KMT5A: variants seen among roughly 807,000 people sequenced by gnomAD.
KMT5A encodes the protein lysine methyltransferase 5A.
KMT5A carries 6 observed loss-of-function variants against 40.6 expected under a neutral mutation model. That is an observed-to-expected ratio of 0.15 (90% CI 0.08 to 0.29). KMT5A has a LOEUF of 0.29. Among genes scored for constraint, KMT5A ranks in the 10% least tolerant of loss-of-function variants. The pLI is 1.00. For synonymous variants in KMT5A, 153 were observed against 178.8 expected (o/e 0.86, Z 1.15); for missense variants, 308 against 459.1 (o/e 0.67, Z 3.01).
intron 5 of KMT5A, among the ~76,000 whole-genome samples, chr12:123,398,397 G>A (rs28540654): frequency 0.077 from 11,763 of 152,250 alleles, 1,241 homozygotes; most frequent in African/African-American, 0.24. Flanking sequence ...CCTCTGCTGA[G>A]CGTCCACCAA....
At chr12:123,407,401 C>A in intron 7 of KMT5A, 92 bp from the exon 8 acceptor site, 2 of 1,193,866 alleles carry the variant, frequency 1.7e-6, no homozygotes, top group Admixed American at 2.1e-5. Context: ...TTTAAATCAG[C>A]ATCCCACCAG....
intron 7 of KMT5A, among the ~76,000 whole-genome samples, chr12:123,406,492 T>G (rs760174736): frequency 1.1e-4 from 17 of 152,134 alleles, no homozygotes; most frequent in Non-Finnish European, 8.8e-5. Flanking sequence ...TTTTGTATTT[T>G]TAGCACAGAC....
chr12:123,409,014 C>CG lies in KMT5A; in HGVS notation c.*1315dup, dbSNP rs1566086118. On this transcript the variant is annotated 3_prime_UTR_variant, in exon 8 of 8. Coordinates refer to ENST00000402868, the MANE Select transcript of KMT5A (RefSeq NM_020382.7). ...ACACTGTCCCTTCAGTCCAGGGGGC[C>CG]GGGGCTCAGGAGCCATGACCTGGTG... 4 of 152,622 alleles carry CG rather than the reference C, an allele frequency of 2.6e-5. No homozygotes were observed. Among genetic ancestry groups the CG allele is most frequent in the Non-Finnish European group, 5.9e-5 (4 of 68,034 alleles). The allele number at this position is 152,622 out of a possible 1,614,324, so 9.5% of individuals were successfully genotyped here.
chr12:123,394,918 C>T, intron 3 of KMT5A, 129 bp from the exon 4 acceptor site: 2 of 836,122 alleles, frequency 2.4e-6, no homozygotes, highest in Non-Finnish European at 3.8e-6. Context: ...GCTTAACAGG[C>T]CAAGGGCACT....
chr12:123,397,150 A>G (rs1295631268), intron 5 of KMT5A, among the ~76,000 whole-genome samples: 30 of 152,284 alleles, frequency 2.0e-4, no homozygotes, highest in Admixed American at 2.0e-3. Context: ...CTGGAAGGCC[A>G]GCTGGCCTAT....
At chr12:123,395,570 T>G (rs1186526807) in intron 4 of KMT5A, among the ~76,000 whole-genome samples, 5 of 151,312 alleles carry the variant, frequency 3.3e-5, no homozygotes, top group Non-Finnish European at 7.4e-5. Flanking sequence ...TTTTGTGTTT[T>G]TTTTTTTTTT....
At chr12:123,398,616 G>A (rs1438886162) in intron 5 of KMT5A, among the ~76,000 whole-genome samples, 2 of 152,250 alleles carry the variant, frequency 1.3e-5, no homozygotes. Flanking sequence ...TGGACCGGGA[G>A]CCGTGCTTTG....
chr12:123,407,631 G>T lies in KMT5A; in HGVS notation c.987G>T (p.Gly329=). ...TCGCCTCCCGAGACATCGCGGCTGG[G>T]GAGGAGCTCCTGTATGACTATGGGG... ...ILIASRDIAA[G]EELLYDYGDR... Residue 329 remains glycine, a synonymous_variant, in exon 8 of 8, where the codon GGG becomes GGT. Coordinates refer to ENST00000402868, the MANE Select transcript of KMT5A (RefSeq NM_020382.7). 1 of 1,613,782 alleles carries T rather than the reference G, an allele frequency of 6.2e-7. No individual in the cohort carries two copies. Among genetic ancestry groups the T allele is most frequent in the South Asian group, 1.1e-5 (1 of 91,030 alleles).
chr12:123,398,051 G>A (rs1877870757), intron 5 of KMT5A, among the ~76,000 whole-genome samples: 1 of 151,582 alleles, frequency 6.6e-6, no homozygotes, highest in Non-Finnish European at 1.5e-5. Context: ...GGGAGGCCCA[G>A]GTGAGCGGAT....
chr12:123,401,122 T>C (rs559934637), intron 5 of KMT5A, among the ~76,000 whole-genome samples: 2 of 150,542 alleles, frequency 1.3e-5, no homozygotes, highest in African/African-American at 4.9e-5. Flanking sequence ...TTTTTAAATC[T>C]ATTCCACCAA....
chr12:123,396,347 C>T lies in KMT5A; in HGVS notation c.512C>T (p.Ala171Val), dbSNP rs770754462. 3.7e-6 allele frequency: 6 copies of T among 1,612,826 alleles called. No homozygotes were observed. The highest frequency in any genetic ancestry group is 2.5e-6 in the Non-Finnish European group (3 of 1,179,910). Reference sequence around the variant, plus strand: ...TCTCCTCTTCCCCTCTTACCCAGAGCTCAAGGAAAAACGCAACAGAATCGC... The same window carrying T: ...TCTCCTCTTCCCCTCTTACCCAGAGTTCAAGGAAAAACGCAACAGAATCGC... Reference protein sequence around the residue: ...IKGKQAPRKKAQGKTQQNRKL... With the variant: ...IKGKQAPRKKVQGKTQQNRKL... The change falls in exon 5 of 8, where the codon GCT becomes GTT. Residue 171 changes from alanine to valine, a missense_variant and splice_region_variant. Around this residue, in one of 4 missense-constraint regions of KMT5A, gnomAD observed 127 missense variants for 129.8 expected, o/e 0.98. Transcript: ENST00000402868.
chr12:123,393,634 G>T (rs1428055462), intron 3 of KMT5A, among the ~76,000 whole-genome samples: 1 of 152,048 alleles, frequency 6.6e-6, no homozygotes, highest in African/African-American at 2.4e-5. Context: ...CTGCCTCCCA[G>T]GTTCAAGCTA....
At chr12:123,395,802 A>G (rs1442513605) in intron 4 of KMT5A, among the ~76,000 whole-genome samples, 1 of 151,766 alleles carries the variant, frequency 6.6e-6, no homozygotes, top group African/African-American at 2.4e-5. Flanking sequence ...TGACCTCGTG[A>G]TCTGCCTGCC....
rs369944240 is a variant in KMT5A at position 123,399,438 on chromosome 12, C to T, written c.597+3006C>T. On this transcript the variant is annotated intron_variant, in intron 5 of 7. Coordinates refer to ENST00000402868, the MANE Select transcript of KMT5A (RefSeq NM_020382.7). ...CATCTGGCCTGGTCCCAGCTTCCCT[C>T]TGCGCATCTCCTACCTGCCGTGTTT... Among the ~76,000 whole-genome samples, 11 of 152,258 alleles carry T rather than the reference C, an allele frequency of 7.2e-5. 1 individual carries two copies. In the East Asian group the frequency reaches 1.3e-3, roughly 19 times the overall value.
At position 123,396,441 on chromosome 12, in the gene KMT5A, G is replaced by C; in HGVS notation, c.597+9G>C. On this transcript the variant is annotated intron_variant, in intron 5 of 7. Coordinates refer to ENST00000402868, the MANE Select transcript of KMT5A (RefSeq NM_020382.7). Reference sequence around the variant, plus strand: ...GCAAAGCCGAGCTGCAGGTAGTCACGTGCTTTAAATTCCAGTTTGTGGAGG... The same window carrying C: ...GCAAAGCCGAGCTGCAGGTAGTCACCTGCTTTAAATTCCAGTTTGTGGAGG... The C allele has an allele frequency of 6.2e-7, 1 of 1,613,820 alleles. No homozygotes were observed. The highest frequency in any genetic ancestry group is 1.7e-5 in the Admixed American group (1 of 60,004).
At position 123,395,088 on chromosome 12, in the gene KMT5A, T is replaced by G. The variant is rs1306388432; in HGVS notation, c.331T>G (p.Ser111Ala). Residue 111 changes from serine (S) to alanine (A), a missense_variant, in exon 4 of 8, where the codon TCC becomes GCC. By Grantham distance (99) the Ser-to-Ala change is moderately conservative. Around this residue, in one of 4 missense-constraint regions of KMT5A, gnomAD observed 127 missense variants for 129.8 expected, o/e 0.98. Coordinates refer to ENST00000402868, the MANE Select transcript of KMT5A (RefSeq NM_020382.7). ...GAACGCAGTACGGAGCGCCATGAAG[T>G]CCGAGGAACAGAAGATCAAAGACGC... ...AGNAVRSAMK[S>A]EEQKIKDARK... is the part of the protein sequence containing the mutation. The G allele has an allele frequency of 6.3e-7, 1 of 1,591,902 alleles. No homozygotes were observed. Among genetic ancestry groups the G allele is most frequent in the Admixed American group, 1.8e-5 (1 of 56,100 alleles).
chr12:123,386,047 G>C (rs1483095215), intron 1 of KMT5A, among the ~76,000 whole-genome samples: 1 of 151,956 alleles, frequency 6.6e-6, no homozygotes, highest in Admixed American at 6.6e-5. Context: ...CTTACCCAAA[G>C]CGAAGATAAT....
chr12:123,397,477 TG>T (rs1474173446), intron 5 of KMT5A, among the ~76,000 whole-genome samples: 1 of 152,204 alleles, frequency 6.6e-6, no homozygotes, highest in African/African-American at 2.4e-5. Context: ...AGATACACAG[TG>T]GTCTAGTATT....
intron 5 of KMT5A, among the ~76,000 whole-genome samples, chr12:123,400,132 A>G (rs1878034746): frequency 7.3e-6 from 1 of 136,806 alleles, no homozygotes; most frequent in Non-Finnish European, 1.5e-5. Flanking sequence ...GTGAGACCCC[A>G]TCTTAAAAAA....
Sources: allele counts gnomAD v4.1 joint callset (sites outside exome capture counted in the v4.1 genomes callset), GRCh38; gene constraint gnomAD v4.1.1; regional missense constraint gnomAD v4.1.1; transcripts MANE v1.5; gene names NCBI Gene and HGNC (gene_info 2026-07-23, HGNC 2026-07-21).